SMIM43: variants seen among roughly 807,000 people sequenced by gnomAD.
SMIM43 encodes Nodal Enhanced MEsendoderm Peptide.
chr4:121,761,413 T>C (rs1726054527), intron 5 of SMIM43, 125 bp downstream of exon 5: 1 of 855,830 alleles, frequency 1.2e-6, no homozygotes, highest in South Asian at 2.0e-5. Flanking sequence ...GGTTTAACCA[T>C]TTACAAACTT....
intron 5 of SMIM43, among the ~76,000 whole-genome samples, chr4:121,761,326 T>C (rs887417444): frequency 6.6e-6 from 1 of 152,166 alleles, no homozygotes; most frequent in Non-Finnish European, 1.5e-5. Flanking sequence ...ATTACATTAG[T>C]ATCTTTAGTG....
Position 121,759,913 on chromosome 4 carries a change from T to G in SMIM43, c.*1061A>C, listed in dbSNP as rs1388749257. The G allele has an allele frequency of 6.3e-6, 1 of 159,036 alleles. No individual in the cohort carries two copies. The highest frequency in any genetic ancestry group is 2.4e-5 in the African/African-American group (1 of 41,548). 9.9% of individuals were successfully genotyped at this position (159,036 alleles called of 1,614,324 possible). On this transcript the variant is annotated 3_prime_UTR_variant, in exon 6 of 6. Coordinates refer to ENST00000643802, the MANE Select transcript of SMIM43 (RefSeq NM_001384332.1). ...GAGCAGCGTAATAGAACATTCTTTA[T>G]CCTACACCAACCCTCCACAAAGAGG...
rs748926668 is a variant in SMIM43, at chr4:121,761,889, A to G, written c.*282T>C. The G allele has an allele frequency of 1.2e-6, 2 of 1,606,154 alleles. No individual in the cohort carries two copies. Among genetic ancestry groups the G allele is most frequent in the Non-Finnish European group, 1.7e-6 (2 of 1,177,126 alleles). ...CTGATAAGATCTGAAGCCATTTTGA[A>G]CACCTGAAATTTAGAAACAATGATG... is the stretch of plus-strand genomic sequence containing the variant. On this transcript the variant is annotated 3_prime_UTR_variant, in exon 4 of 6. Coordinates refer to ENST00000643802, the MANE Select transcript of SMIM43 (RefSeq NM_001384332.1).
At chr4:121,763,441 G>C (rs1726174838) in intron 2 of SMIM43, among the ~76,000 whole-genome samples, 1 of 152,136 alleles carries the variant, frequency 6.6e-6, no homozygotes, top group Non-Finnish European at 1.5e-5. Flanking sequence ...TGAAGATTGA[G>C]TATATCTGCA....
intron 2 of SMIM43, among the ~76,000 whole-genome samples, chr4:121,763,281 C>T (rs1453849683): frequency 6.6e-6 from 1 of 152,154 alleles, no homozygotes; most frequent in Non-Finnish European, 1.5e-5. Context: ...TTACACTTCA[C>T]TTTTATATTA....
rs74386110 is a variant in SMIM43 at position 121,761,715 on chromosome 4, A to G, written c.*342-20T>C. ...TGTGCCCTAAAATTGAAGTTCAGAC[A>G]TAGGAATCTACTTTATTAGACATTT... On this transcript the variant is annotated intron_variant, in intron 4 of 5. Transcript: ENST00000643802. 7.5e-4 allele frequency: 1,214 copies of G among 1,611,244 alleles called. 4 individuals are homozygous for G. The African/African-American group carries it at 9.5e-3, about 13-fold the overall frequency.
intron 2 of SMIM43, among the ~76,000 whole-genome samples, chr4:121,763,383 A>G (rs1578479623): frequency 6.6e-6 from 1 of 152,240 alleles, no homozygotes. Context: ...TATAGTTATG[A>G]CTTAGCTTAT....
chr4:121,765,271 G>C, upstream of SMIM43: 1 of 374,220 alleles, frequency 2.7e-6, no homozygotes, highest in Non-Finnish European at 4.7e-6. Context: ...CGGCTCCGAG[G>C]AAACGCGCCA....
At chr4:121,761,502 A>C in intron 5 of SMIM43, 36 bp downstream of exon 5, 1 of 1,526,138 alleles carries the variant, frequency 6.6e-7, no homozygotes, top group Non-Finnish European at 8.8e-7. Flanking sequence ...ATAGAATGTC[A>C]AACTAAAAAT....
Position 121,761,829 on chromosome 4 carries a change from C to A in SMIM43, c.*341+1G>T. ...TAGAACTGCAGATCCATTGCACTTA[C>A]AAGTTTGGAAATTAGTGCAACAGCC... is the stretch of plus-strand genomic sequence containing the variant. On this transcript the variant is annotated splice_donor_variant, in intron 4 of 5. Coordinates refer to ENST00000643802, the MANE Select transcript of SMIM43 (RefSeq NM_001384332.1). LOFTEE classifies it low-confidence loss of function (3UTR_SPLICE). The A allele has an allele frequency of 6.2e-7, 1 of 1,613,146 alleles. No homozygotes were observed. The highest frequency in any genetic ancestry group is 8.5e-7 in the Non-Finnish European group (1 of 1,179,750).
chr4:121,761,526 T>A lies in SMIM43; in HGVS notation c.*499+12A>T. 6.4e-7 allele frequency: 1 copy of A among 1,571,984 alleles called. No individual in the cohort carries two copies. Among genetic ancestry groups the A allele is most frequent in the Non-Finnish European group, 8.6e-7 (1 of 1,161,542 alleles). On this transcript the variant is annotated intron_variant, in intron 5 of 5. Transcript: ENST00000643802. ...CAAACTAAAAATAGAGTATTTCATA[T>A]TTTTTACTCACCTAGTTCCAAGTTT...
At chr4:121,762,621 G>A (rs548556630) in intron 3 of SMIM43, 106 bp downstream of exon 3, 1 of 152,102 alleles carries the variant, frequency 6.6e-6, no homozygotes, top group African/African-American at 2.4e-5. Context: ...TTAATAAAAT[G>A]GCCCTGGATA....
At position 121,760,380 on chromosome 4, in the gene SMIM43, T is replaced by G. The variant is rs368376397; in HGVS notation, c.*594A>C. ...AAAGTTATTGGGCTGCTGAGGAAGC[T>G]CTTTAAAAGGAAGTGGATTTGAACT... On this transcript the variant is annotated 3_prime_UTR_variant, in exon 6 of 6. Coordinates refer to ENST00000643802, the MANE Select transcript of SMIM43 (RefSeq NM_001384332.1). 12 of 1,606,732 alleles carry G rather than the reference T, an allele frequency of 7.5e-6. No homozygotes were observed. Among genetic ancestry groups the G allele is most frequent in the Non-Finnish European group, 1.0e-5 (12 of 1,176,082 alleles).
At chr4:121,760,803 G>C (rs1468980705) in intron 5 of SMIM43, among the ~76,000 whole-genome samples, 2 of 152,284 alleles carry the variant, frequency 1.3e-5, no homozygotes, top group East Asian at 3.9e-4. Context: ...AATGGTTTTA[G>C]CTCAAACCCA....
In SMIM43 at chr4:121,763,311, G is replaced by A. The variant is rs1392718042; in HGVS notation, c.*206+453C>T. ...ATATTATCAACTTAGGCAAACTTTA[G>A]TATTTCATTGTTTTTAGCCTCTCTA... On this transcript the variant is annotated intron_variant, in intron 2 of 5. Coordinates refer to ENST00000643802, the MANE Select transcript of SMIM43 (RefSeq NM_001384332.1). Among the ~76,000 whole-genome samples the A allele has an allele frequency of 3.3e-5, 5 of 152,062 alleles. No individual in the cohort carries two copies. The East Asian group carries it at 9.6e-4, about 29-fold the overall frequency.
In SMIM43 at chr4:121,764,946, G is replaced by A. The variant is rs1022825262; in HGVS notation, c.160C>T (p.Pro54Ser). ...GCTTGCTCTCGGGAGAAGCCCCAAG[G>A]CTCGCGGTGCACCGAGAGGCGCCCG... Reference protein sequence around the residue: ...QPGRLSVHREPWGFSREQAV With the variant: ...QPGRLSVHRESWGFSREQAV Residue 54 changes from proline to serine, a missense_variant, in exon 1 of 6, where the codon CCT becomes TCT. Physicochemically the swap from Pro to Ser is moderately conservative, Grantham distance 74. Coordinates refer to ENST00000643802, the MANE Select transcript of SMIM43 (RefSeq NM_001384332.1). 3.5e-5 allele frequency: 14 copies of A among 398,456 alleles called. No individual in the cohort carries two copies. Among genetic ancestry groups the A allele is most frequent in the Non-Finnish European group, 4.4e-6 (1 of 225,720 alleles). 24.7% of individuals were successfully genotyped at this position (398,456 alleles called of 1,614,324 possible). A position where few individuals can be genotyped will look rare whatever the true frequency, so the allele number is the denominator to read the frequency against.
At chr4:121,761,123 CA>C (rs10577662) in intron 5 of SMIM43, among the ~76,000 whole-genome samples, 21,469 of 147,678 alleles carry the variant, frequency 0.15, 1,922 homozygotes, top group African/African-American at 0.26. Flanking sequence ...CTGATTCAAA[CA>C]AAAAAAAAAA....
Position 121,759,039 on chromosome 4 carries a change from C to G in SMIM43, c.*1935G>C, listed in dbSNP as rs1725912692. The G allele has an allele frequency of 2.0e-5, 3 of 152,068 alleles. No homozygotes were observed. Among genetic ancestry groups the G allele is most frequent in the Admixed American group, 2.0e-4 (3 of 15,272 alleles). 9.4% of individuals were successfully genotyped at this position (152,068 alleles called of 1,614,324 possible). A position where few individuals can be genotyped will look rare whatever the true frequency, so the allele number is the denominator to read the frequency against. ...TAATCATTTAGCTGCCACAATATTACAAAAATAAAATGACACAGAATAAAT... is the reference window on the plus strand; with the variant it reads ...TAATCATTTAGCTGCCACAATATTAGAAAAATAAAATGACACAGAATAAAT... On this transcript the variant is annotated 3_prime_UTR_variant, in exon 6 of 6. Transcript: ENST00000643802.
chr4:121,761,308 C>T (rs1726049649), intron 5 of SMIM43, among the ~76,000 whole-genome samples: 2 of 151,046 alleles, frequency 1.3e-5, no homozygotes, highest in Admixed American at 6.6e-5. Flanking sequence ...TGTGTAGATA[C>T]CTTATGCATT....
Sources: gnomAD v4.1 joint callset for allele counts (sites outside exome capture counted in the v4.1 genomes callset) on GRCh38, gnomAD v4.1.1 for gene constraint, MANE v1.5 for transcripts, NCBI Gene and HGNC (gene_info 2026-07-23, HGNC 2026-07-21) for gene names.